SUCLG1: variants seen among roughly 807,000 people sequenced by gnomAD.
The protein encoded by SUCLG1 is succinate-CoA ligase GDP/ADP-forming subunit alpha.
Under a neutral mutation model 37.3 loss-of-function variants are expected in SUCLG1, and 26 were observed. That is an observed-to-expected ratio of 0.70 (90% CI 0.51 to 0.97). The LOEUF (loss-of-function observed/expected upper bound fraction) is 0.97, where lower values mean the gene tolerates loss of function less well. Among genes scored for constraint, SUCLG1 ranks in the 50% least tolerant of loss-of-function variants. The pLI, the probability that SUCLG1 is intolerant of heterozygous loss-of-function variation, is 0.00. For synonymous variants in SUCLG1, 163 were observed against 155.6 expected, an observed-to-expected ratio of 1.05 and a Z score of -0.36; for missense variants, 433 against 432.9, an observed-to-expected ratio of 1.00 and a Z score of 0.00.
At chr2:84,455,843 A>C (rs919547671) in intron 1 of SUCLG1, among the ~76,000 whole-genome samples, 3 of 150,474 alleles carry the variant, frequency 2.0e-5, no homozygotes, top group Non-Finnish European at 3.0e-5. Flanking sequence ...CTCAAAACAA[A>C]AAAAAAAAAA....
At chr2:84,448,133 G>A (rs1284047906) in intron 2 of SUCLG1, among the ~76,000 whole-genome samples, 2 of 147,010 alleles carry the variant, frequency 1.4e-5, no homozygotes, top group Admixed American at 6.8e-5. Flanking sequence ...AGAAAAAGAA[G>A]GTCCACTGCA....
rs1174246589 is a variant in SUCLG1, at chr2:84,425,444, G to A, written c.985C>T (p.Pro329Ser). ...QSAGVVVSMS[P>S]AQLGTTIYKE... ...TAGATCGTGGTTCCCAGCTGTGCAG[G>A]AGACATACTGACCACAACTCCTGCA... The change falls in exon 8 of 9, where the codon CCT becomes TCT. Residue 329 changes from proline to serine, a missense_variant. By Grantham distance (74) the Pro-to-Ser change is moderately conservative. Transcript: ENST00000393868. The A allele has an allele frequency of 2.5e-6, 4 of 1,614,080 alleles. No homozygotes were observed. Among genetic ancestry groups the A allele is most frequent in the Non-Finnish European group, 3.4e-6 (4 of 1,180,026 alleles).
At chr2:84,432,098 T>G (rs541382089) in intron 6 of SUCLG1, among the ~76,000 whole-genome samples, 1 of 152,232 alleles carries the variant, frequency 6.6e-6, no homozygotes, top group Non-Finnish European at 1.5e-5. Flanking sequence ...TGATGAAGTA[T>G]GCTGCAGATA....
intron 1 of SUCLG1, among the ~76,000 whole-genome samples, chr2:84,454,308 T>G (rs1435104573): frequency 6.6e-6 from 1 of 152,254 alleles, no homozygotes; most frequent in Non-Finnish European, 1.5e-5. Flanking sequence ...GTTTTTAACA[T>G]ATAATACATT....
Position 84,443,393 on chromosome 2 carries a change from A to C in SUCLG1, c.209T>G (p.Phe70Cys). ...CQGFTGKQGT[F>C]HSQQALEYGT... The stretch of plus-strand genomic sequence containing the variant: ...ATATTCCAATGCCTGCTGGCTGTGA[A>C]AGGTGCCCTGAGGGGAAAAAGCACA... The change falls in exon 3 of 9, where the codon TTT (phenylalanine) becomes TGT (cysteine). Residue 70 changes from phenylalanine (F) to cysteine (C), a missense_variant. Physicochemically the swap from Phe to Cys is radical, Grantham distance 205. Coordinates refer to ENST00000393868, the MANE Select transcript of SUCLG1 (RefSeq NM_003849.4). 6.2e-7 allele frequency: 1 copy of C among 1,614,128 alleles called. No homozygotes were observed. Among genetic ancestry groups the C allele is most frequent in the Non-Finnish European group, 8.5e-7 (1 of 1,179,968 alleles).
intron 7 of SUCLG1, among the ~76,000 whole-genome samples, chr2:84,429,563 A>C (rs116050843): frequency 6.6e-5 from 10 of 152,248 alleles, no homozygotes; most frequent in African/African-American, 2.4e-4. Context: ...GTCTAGAGTG[A>C]AAGTCAGATA....
At chr2:84,445,527 T>C (rs1174409874) in intron 2 of SUCLG1, among the ~76,000 whole-genome samples, 1 of 152,108 alleles carries the variant, frequency 6.6e-6, no homozygotes, top group African/African-American at 2.4e-5. Flanking sequence ...ACTCAACATG[T>C]CCAAAACTGA....
chr2:84,429,112 G>A (rs1422477486), intron 7 of SUCLG1, among the ~76,000 whole-genome samples: 5 of 152,196 alleles, frequency 3.3e-5, no homozygotes, highest in African/African-American at 1.2e-4. Context: ...TTTACACCAA[G>A]TATTACACTA....
chr2:84,431,746 ATT>A, intron 6 of SUCLG1, 87 bp from the exon 7 acceptor site: 5 of 1,393,828 alleles, frequency 3.6e-6, no homozygotes, highest in Non-Finnish European at 5.0e-6. Context: ...CTAGTTTGTC[ATT>A]TTTCTTACCC....
intron 2 of SUCLG1, 87 bp from the exon 3 acceptor site, chr2:84,443,487 G>A: frequency 9.1e-7 from 1 of 1,094,272 alleles, no homozygotes; most frequent in Non-Finnish European, 1.4e-6. Context: ...CTTAGGAAAA[G>A]AAAAACAAAT....
intron 2 of SUCLG1, among the ~76,000 whole-genome samples, chr2:84,448,520 CAAAAAAAAAA>C (rs59457991): frequency 2.4e-4 from 30 of 125,130 alleles, no homozygotes; most frequent in Middle Eastern, 4.5e-3. Context: ...CTTAAATTAC[CAAAAAAAAAA>C]AAAAAAAAAA....
At chr2:84,435,024 G>A (rs112405741) in intron 5 of SUCLG1, among the ~76,000 whole-genome samples, 67 of 152,266 alleles carry the variant, frequency 4.4e-4, no homozygotes, top group Middle Eastern at 6.8e-3. Context: ...CTAAATCCTC[G>A]ACGATGCCTC....
At chr2:84,446,300 C>G (rs772645935) in intron 2 of SUCLG1, among the ~76,000 whole-genome samples, 1 of 152,188 alleles carries the variant, frequency 6.6e-6, no homozygotes, top group Non-Finnish European at 1.5e-5. Flanking sequence ...AATGTAAATT[C>G]CATGAAGACA....
intron 2 of SUCLG1, among the ~76,000 whole-genome samples, chr2:84,447,108 T>G (rs186943391): frequency 2.6e-5 from 4 of 152,234 alleles, no homozygotes; most frequent in Admixed American, 6.5e-5. Context: ...GAAAACTGCA[T>G]TGCTGAAACA....
chr2:84,425,615 G>T lies in SUCLG1; in HGVS notation c.826-12C>A, dbSNP rs779983462. On this transcript the variant is annotated splice_polypyrimidine_tract_variant and intron_variant, in intron 7 of 8. Coordinates refer to ENST00000393868, the MANE Select transcript of SUCLG1 (RefSeq NM_003849.4). ...TTGGAATTTGGACCCTAGAAAGAAA[G>T]TAATATTTTAAATGCTCTAATGAAG... The T allele has an allele frequency of 1.9e-6, 3 of 1,614,052 alleles. No homozygotes were observed. The East Asian group carries it at 6.7e-5, about 36-fold the overall frequency.
chr2:84,447,073 A>G (rs1486014914), intron 2 of SUCLG1, among the ~76,000 whole-genome samples: 1 of 152,254 alleles, frequency 6.6e-6, no homozygotes, highest in Non-Finnish European at 1.5e-5. Flanking sequence ...TAAACCCAGT[A>G]AAAGAAACAA....
At chr2:84,427,337 A>G (rs1194681238) in intron 7 of SUCLG1, among the ~76,000 whole-genome samples, 1 of 152,374 alleles carries the variant, frequency 6.6e-6, no homozygotes, top group Middle Eastern at 3.4e-3. Context: ...ATCTGAAACC[A>G]TAGCAGTGAA....
At chr2:84,439,941 T>C (rs1360006226) in intron 5 of SUCLG1, among the ~76,000 whole-genome samples, 1 of 152,166 alleles carries the variant, frequency 6.6e-6, no homozygotes, top group African/African-American at 2.4e-5. Flanking sequence ...GTTTGTGATA[T>C]CTAAAAGAAC....
intron 2 of SUCLG1, among the ~76,000 whole-genome samples, chr2:84,444,365 C>T (rs1171129249): frequency 1.3e-5 from 2 of 152,106 alleles, no homozygotes; most frequent in East Asian, 1.9e-4. Flanking sequence ...CATCACATGT[C>T]GGCAGGTTCC....
Sources: allele counts gnomAD v4.1 joint callset (sites outside exome capture counted in the v4.1 genomes callset), GRCh38; gene constraint gnomAD v4.1.1; transcripts MANE v1.5; gene names NCBI Gene and HGNC (gene_info 2026-07-23, HGNC 2026-07-21).